Variants in ETFA observed in about 807,000 individuals in gnomAD.
ETFA encodes electron transfer flavoprotein subunit alpha, mitochondrial.
Under a neutral mutation model 46.2 loss-of-function variants are expected in ETFA, and 22 were observed. The observed-to-expected ratio is 0.48, with a 90% CI of 0.34 to 0.68. ETFA has a LOEUF of 0.68. ETFA is among the 30% of genes least tolerant of loss of function. The pLI is 0.01. For synonymous variants in ETFA, 131 were observed against 139.9 expected (o/e 0.94, Z 0.45); for missense variants, 345 against 401.1 (o/e 0.86, Z 1.19).
intron 9 of ETFA, among the ~76,000 whole-genome samples, chr15:76,264,519 C>G (rs571653183): frequency 1.3e-5 from 2 of 152,106 alleles, no homozygotes; most frequent in Non-Finnish European, 2.9e-5. Context: ...CTGACAAGGA[C>G]CTAAAGAACC....
intron 9 of ETFA, among the ~76,000 whole-genome samples, chr15:76,266,902 T>TA (rs34822609): frequency 0.29 from 42,751 of 147,026 alleles, 6,390 homozygotes; most frequent in East Asian, 0.56. Context: ...AGACTCCGTT[T>TA]AAAAAAAAAA....
At chr15:76,308,946 C>T (rs1038445213) in intron 1 of ETFA, among the ~76,000 whole-genome samples, 2 of 152,194 alleles carry the variant, frequency 1.3e-5, no homozygotes, top group African/African-American at 2.4e-5. Context: ...ATGTGTCAAA[C>T]TGCTAACATG....
chr15:76,257,411 GA>G (rs1471931909), intron 9 of ETFA, among the ~76,000 whole-genome samples: 1 of 152,116 alleles, frequency 6.6e-6, no homozygotes, highest in African/African-American at 2.4e-5. Flanking sequence ...AAAGACACAT[GA>G]AAAAATGCTC....
chr15:76,220,830 A>G (rs1028078171), intron 11 of ETFA, among the ~76,000 whole-genome samples: 11 of 152,232 alleles, frequency 7.2e-5, no homozygotes, highest in Admixed American at 3.9e-4. Context: ...ACAATAACAT[A>G]CATTAATGAG....
At chr15:76,217,141 C>T (rs1467845765) in intron 11 of ETFA, among the ~76,000 whole-genome samples, 1 of 152,100 alleles carries the variant, frequency 6.6e-6, no homozygotes, top group Non-Finnish European at 1.5e-5. Flanking sequence ...TGTGACCCAA[C>T]CACAAATTTC....
intron 7 of ETFA, chr15:76,284,985 ATT>A: frequency 3.2e-6 from 1 of 316,910 alleles, no homozygotes; most frequent in Non-Finnish European, 6.1e-6. Flanking sequence ...CAAAATATTA[ATT>A]TTTTTTTCTC....
At chr15:76,298,794 T>A (rs2039852864) in intron 1 of ETFA, among the ~76,000 whole-genome samples, 1 of 152,132 alleles carries the variant, frequency 6.6e-6, no homozygotes, top group African/African-American at 2.4e-5. Flanking sequence ...AAAAATAGCA[T>A]TGTCAGAAAG....
chr15:76,275,726 CT>C (rs768554123), intron 8 of ETFA, among the ~76,000 whole-genome samples: 6 of 152,116 alleles, frequency 3.9e-5, no homozygotes, highest in Non-Finnish European at 8.8e-5. Flanking sequence ...CATTTTGTCT[CT>C]TTTCTTAGCT....
intron 11 of ETFA, among the ~76,000 whole-genome samples, chr15:76,221,036 A>T (rs1255387128): frequency 1.3e-5 from 2 of 152,258 alleles, no homozygotes; most frequent in Admixed American, 6.5e-5. Flanking sequence ...GAATGTTCAT[A>T]GCAGCATCAT....
intron 8 of ETFA, among the ~76,000 whole-genome samples, chr15:76,282,615 C>A (rs2039666806): frequency 6.6e-6 from 1 of 152,060 alleles, no homozygotes; most frequent in South Asian, 2.1e-4. Context: ...CAATATAATG[C>A]CTTTATTCTG....
At chr15:76,274,332 A>C (rs901159118) in intron 9 of ETFA, 80 bp downstream of exon 9, 7 of 1,084,044 alleles carry the variant, frequency 6.5e-6, no homozygotes, top group Non-Finnish European at 9.7e-6. Context: ...AAGGTAAATC[A>C]CTGAGATCAC....
chr15:76,260,534 G>C, intron 9 of ETFA: 4 of 1,469,874 alleles, frequency 2.7e-6, no homozygotes, highest in Non-Finnish European at 3.8e-6. Flanking sequence ...ACACACGTAC[G>C]ATCAGGCCCT....
At position 76,283,797 on chromosome 15, in the gene ETFA, A is replaced by C. The variant is rs1051986873; in HGVS notation, c.693T>G (p.Phe231Leu). The C allele has an allele frequency of 6.2e-7, 1 of 1,612,398 alleles. No individual in the cohort carries two copies. Among genetic ancestry groups the C allele is most frequent in the African/African-American group, 1.3e-5 (1 of 74,892 alleles). Residue 231 changes from phenylalanine to leucine, a missense_variant, in exon 8 of 12, where the codon TTT becomes TTG. Phe to Leu is a conservative substitution (Grantham distance 22). Coordinates refer to ENST00000557943, the MANE Select transcript of ETFA (RefSeq NM_000126.4). Reference sequence around the variant, plus strand: ...GATCTGCCAAGTCATATAACAACTTAAAGTTCTCTCCACTCTTCAAGCCTC... The same window carrying C: ...GATCTGCCAAGTCATATAACAACTTCAAGTTCTCTCCACTCTTCAAGCCTC... ...GGRGLKSGEN[F>L]KLLYDLADQL... is the part of the protein sequence containing the mutation.
chr15:76,241,059 A>G (rs1481607489), intron 9 of ETFA, among the ~76,000 whole-genome samples: 1 of 152,170 alleles, frequency 6.6e-6, no homozygotes, highest in Non-Finnish European at 1.5e-5. Context: ...ACCTGAAATT[A>G]TGAAAAGCCA....
At chr15:76,259,961 G>C (rs1256871200) in intron 9 of ETFA, 11 of 1,424,030 alleles carry the variant, frequency 7.7e-6, no homozygotes, top group Non-Finnish European at 9.9e-6. Context: ...ACCCCAACAA[G>C]TTTGGCCACA....
At chr15:76,280,636 A>G (rs535141725) in intron 8 of ETFA, among the ~76,000 whole-genome samples, 2 of 152,222 alleles carry the variant, frequency 1.3e-5, no homozygotes, top group Non-Finnish European at 2.9e-5. Flanking sequence ...AAACCTTGAA[A>G]TGGTTCCCCA....
chr15:76,289,363 T>C (rs2039735609), intron 4 of ETFA, among the ~76,000 whole-genome samples: 1 of 152,234 alleles, frequency 6.6e-6, no homozygotes, highest in African/African-American at 2.4e-5. Context: ...GTTACTTGGC[T>C]GAACAGATTA....
intron 9 of ETFA, chr15:76,261,149 G>A (rs2039407624): frequency 4.6e-6 from 7 of 1,531,002 alleles, no homozygotes; most frequent in Non-Finnish European, 6.3e-6. Flanking sequence ...AAAACAAATG[G>A]AGAGGGAGCA....
chr15:76,238,769 C>T (rs554329469), intron 9 of ETFA, among the ~76,000 whole-genome samples: 1 of 152,216 alleles, frequency 6.6e-6, no homozygotes, highest in African/African-American at 2.4e-5. Context: ...TTTAAAAGGC[C>T]AAACTATTTC....
Sources: allele counts gnomAD v4.1 joint callset (sites outside exome capture counted in the v4.1 genomes callset), GRCh38; gene constraint gnomAD v4.1.1; transcripts MANE v1.5; gene names NCBI Gene and HGNC (gene_info 2026-07-23, HGNC 2026-07-21).